The following EYS variants were observed in gnomAD, a reference collection of about 807,000 sequenced individuals.
EYS encodes protein eyes shut homolog.
In EYS, 250 loss-of-function variants were observed where a neutral mutation model predicts 282.1. That is an observed-to-expected ratio of 0.89 (90% CI 0.80 to 0.98). The LOEUF is 0.98. Ranked by LOEUF, EYS falls within the 50% of genes least tolerant of loss-of-function variation. The pLI is 0.00. For synonymous variants in EYS, 1,355 were observed against 1,282.9 expected, an observed-to-expected ratio of 1.06 and a Z score of -1.20; for missense variants, 4,016 against 3,709.0, an observed-to-expected ratio of 1.08 and a Z score of -2.15.
intron 30 of EYS, among the ~76,000 whole-genome samples, chr6:64,302,575 A>G (rs1419215209): frequency 6.6e-6 from 1 of 152,122 alleles, no homozygotes; most frequent in African/African-American, 2.4e-5. Flanking sequence ...CCAGCTCACA[A>G]TTTCAACAAT....
intron 33 of EYS, among the ~76,000 whole-genome samples, chr6:64,037,551 G>T (rs150395090): frequency 1.3e-5 from 2 of 152,222 alleles, no homozygotes; most frequent in African/African-American, 4.8e-5. Context: ...AAAAAAGATA[G>T]GCAAAGATTA....
intron 5 of EYS, among the ~76,000 whole-genome samples, chr6:65,431,151 TAAC>T (rs1767872892): frequency 6.6e-6 from 1 of 152,216 alleles, no homozygotes; most frequent in African/African-American, 2.4e-5. Context: ...ACAAGATCAC[TAAC>T]AACCATCTTA....
At chr6:64,458,365 G>A (rs1775630263) in intron 26 of EYS, among the ~76,000 whole-genome samples, 1 of 151,444 alleles carries the variant, frequency 6.6e-6, no homozygotes, top group Admixed American at 6.6e-5. Flanking sequence ...GTCTGGTGGT[G>A]ATAAACTCCC....
chr6:65,617,784 T>A (rs919214712), intron 2 of EYS, among the ~76,000 whole-genome samples: 33 of 147,210 alleles, frequency 2.2e-4, no homozygotes, highest in Non-Finnish European at 4.0e-4. Flanking sequence ...TTTCCACCAA[T>A]GAGTGAGAAT....
At chr6:64,064,777 A>G in intron 33 of EYS, among the ~76,000 whole-genome samples, 1 of 152,186 alleles carries the variant, frequency 6.6e-6, no homozygotes, top group Non-Finnish European at 1.5e-5. Context: ...TGAAAGTACT[A>G]TTGTTTGTAT....
chr6:64,460,623 C>T (rs1775713857), intron 26 of EYS, among the ~76,000 whole-genome samples: 1 of 152,144 alleles, frequency 6.6e-6, no homozygotes, highest in Non-Finnish European at 1.5e-5. Flanking sequence ...TAGTATCTTT[C>T]TAAAGTGTAT....
chr6:64,133,620 T>G (rs572428772), intron 31 of EYS, among the ~76,000 whole-genome samples: 6 of 152,170 alleles, frequency 3.9e-5, no homozygotes, highest in African/African-American at 1.4e-4. Context: ...TGTTTTAAAC[T>G]TTATTTTCTC....
intron 15 of EYS, 31 bp downstream of exon 15, chr6:64,945,762 T>C (rs2150096000): frequency 6.5e-7 from 1 of 1,543,814 alleles, no homozygotes; most frequent in African/African-American, 1.4e-5. Flanking sequence ...CCAAGTAATT[T>C]CATGAAGAAA....
rs181274817 is a variant in EYS at position 65,474,574 on chromosome 6, A to G, written c.862+16020T>C. Among the ~76,000 whole-genome samples, 308 of 152,230 alleles carry G rather than the reference A, an allele frequency of 2.0e-3. 1 individual carries two copies. The highest frequency in any genetic ancestry group is 3.7e-3 in the Non-Finnish European group (250 of 67,944). On this transcript the variant is annotated intron_variant, in intron 5 of 42. Transcript: ENST00000503581. Reference sequence around the variant, plus strand: ...GTATAAGGAAGCCAATGCCATGTAGAAAGTCAGTATGTAAATCTTCCAACA... The same window carrying G: ...GTATAAGGAAGCCAATGCCATGTAGGAAGTCAGTATGTAAATCTTCCAACA...
chr6:65,246,312 GA>G (rs1767178231), intron 12 of EYS, among the ~76,000 whole-genome samples: 1 of 152,020 alleles, frequency 6.6e-6, no homozygotes. Flanking sequence ...CCTATATTGT[GA>G]ATATGAAAAT....
At chr6:64,005,969 T>C (rs1017812161) in intron 33 of EYS, among the ~76,000 whole-genome samples, 1 of 152,186 alleles carries the variant, frequency 6.6e-6, no homozygotes, top group Non-Finnish European at 1.5e-5. Flanking sequence ...ATCGGTTCCA[T>C]ATGAATTTTA....
At chr6:63,801,307 T>C (rs1057377402) in intron 37 of EYS, among the ~76,000 whole-genome samples, 1 of 151,902 alleles carries the variant, frequency 6.6e-6, no homozygotes, top group Non-Finnish European at 1.5e-5. Context: ...GAAAGTAAAA[T>C]GGAGAGATCT....
intron 15 of EYS, among the ~76,000 whole-genome samples, chr6:64,917,919 C>T (rs1768216113): frequency 1.3e-5 from 2 of 151,642 alleles, no homozygotes; most frequent in South Asian, 2.1e-4. Flanking sequence ...AAATAATGAC[C>T]GTTAATAATA....
chr6:64,997,935 T>A (rs1481859464), intron 13 of EYS, among the ~76,000 whole-genome samples: 1 of 152,172 alleles, frequency 6.6e-6, no homozygotes, highest in Admixed American at 6.5e-5. Context: ...ATAAGAACAA[T>A]TACTATGGAC....
chr6:65,650,775 G>C lies in EYS; in HGVS notation c.-447-10883C>G, dbSNP rs72884129. The stretch of plus-strand genomic sequence containing the variant: ...AACAGCTCTAGCTGCTGAGTGTCCT[G>C]CTTATACTCTCACATTTGCCCATCT... On this transcript the variant is annotated intron_variant, in intron 1 of 42. Transcript: ENST00000503581. 1.0e-3 allele frequency among the ~76,000 whole-genome samples: 159 copies of C among 152,210 alleles called. 1 individual carries two copies. Among genetic ancestry groups the C allele is most frequent in the Non-Finnish European group, 1.2e-3 (81 of 68,006 alleles).
intron 8 of EYS, among the ~76,000 whole-genome samples, chr6:65,369,697 C>T (rs1240970391): frequency 2.0e-5 from 3 of 151,590 alleles, no homozygotes; most frequent in Non-Finnish European, 4.4e-5. Flanking sequence ...TTGTAGGAAA[C>T]TCTCCTGTGC....
intron 32 of EYS, 133 bp downstream of exon 32, chr6:64,081,723 C>A: frequency 4.6e-6 from 3 of 658,176 alleles, no homozygotes; most frequent in Non-Finnish European, 7.2e-6. Context: ...ACTAAAATTT[C>A]TCTTTGGTAA....
At chr6:65,163,027 T>A (rs1374859345) in intron 12 of EYS, among the ~76,000 whole-genome samples, 1 of 151,162 alleles carries the variant, frequency 6.6e-6, no homozygotes, top group Non-Finnish European at 1.5e-5. Flanking sequence ...CCTTCAGTAC[T>A]AAATTGCCAA....
At chr6:64,294,047 G>A (rs907480729) in intron 30 of EYS, among the ~76,000 whole-genome samples, 5 of 151,918 alleles carry the variant, frequency 3.3e-5, no homozygotes, top group African/African-American at 4.8e-5. Flanking sequence ...TGAAACAAAT[G>A]TAGGTGACTA....
Sources: allele counts gnomAD v4.1 joint callset (sites outside exome capture counted in the v4.1 genomes callset), GRCh38; gene constraint gnomAD v4.1.1; transcripts MANE v1.5; gene names NCBI Gene and HGNC (gene_info 2026-07-23, HGNC 2026-07-21).